The following RAP1GAP2 variants were observed in gnomAD, a reference collection of about 807,000 sequenced individuals.
RAP1GAP2 encodes the protein rap1 GTPase-activating protein 2.
RAP1GAP2 carries 27 observed loss-of-function variants against 95.0 expected under a neutral mutation model. The ratio of observed to expected loss-of-function variants is 0.28; its 90% CI spans 0.21 to 0.39. The LOEUF (loss-of-function observed/expected upper bound fraction) is 0.39, where lower values mean the gene tolerates loss of function less well. Ranked by LOEUF, RAP1GAP2 falls within the 10% of genes least tolerant of loss-of-function variation. The pLI is 1.00. For synonymous variants in RAP1GAP2, 373 were observed against 380.9 expected (o/e 0.98, Z 0.24); for missense variants, 771 against 970.0 (o/e 0.79, Z 2.72).
At chr17:2,951,736 A>G (rs980718138) in intron 3 of RAP1GAP2, among the ~76,000 whole-genome samples, 2 of 149,976 alleles carry the variant, frequency 1.3e-5, no homozygotes, top group African/African-American at 4.9e-5. Context: ...ACGAAAATAA[A>G]AAGACGTGAA....
At chr17:2,905,254 C>A in intron 2 of RAP1GAP2, 30 bp from the exon 3 acceptor site, 1 of 1,571,212 alleles carries the variant, frequency 6.4e-7, no homozygotes, top group Non-Finnish European at 8.8e-7. Context: ...GCAGGCAGGT[C>A]CTCACTCACC....
rs553408143 is a variant in RAP1GAP2, at chr17:3,022,551, A to G, written c.1751+1956A>G. 3.9e-5 allele frequency among the ~76,000 whole-genome samples: 6 copies of G among 152,158 alleles called. No homozygotes were observed. In the East Asian group the frequency reaches 7.7e-4, roughly 20 times the overall value. On this transcript the variant is annotated intron_variant, in intron 19 of 24. Transcript: ENST00000254695. ...GTCTTCTTTTGAGAAATTTCTATTC[A>G]TGTTTCTTGCCCTTAAAAAAATCAC...
Position 3,034,323 on chromosome 17 carries a change from G to A in RAP1GAP2, c.*962G>A, listed in dbSNP as rs116922381. On this transcript the variant is annotated 3_prime_UTR_variant, in exon 25 of 25. Transcript: ENST00000254695. The surrounding 1 kb of genome is among the most constrained non-coding windows in gnomAD (Gnocchi z 5.1). ...AAACCTCGGGCCTGAGGGCCAGGCCGGAGCCCAGGTCTCTGCTGACAATGG... is the reference window on the plus strand; with the variant it reads ...AAACCTCGGGCCTGAGGGCCAGGCCAGAGCCCAGGTCTCTGCTGACAATGG... 4,102 of 203,138 alleles carry A rather than the reference G, an allele frequency of 0.02. 54 individuals are homozygous for A. Among genetic ancestry groups the A allele is most frequent in the Non-Finnish European group, 0.025 (2,420 of 95,012 alleles). 12.6% of individuals were successfully genotyped at this position (203,138 alleles called of 1,614,324 possible). A position where few individuals can be genotyped will look rare whatever the true frequency, so the allele number is the denominator to read the frequency against.
At chr17:2,887,335 G>T (rs1477869752) in intron 2 of RAP1GAP2, among the ~76,000 whole-genome samples, 2 of 151,956 alleles carry the variant, frequency 1.3e-5, no homozygotes, top group Non-Finnish European at 2.9e-5. Flanking sequence ...TACTATTACA[G>T]GCATGAGCCA....
chr17:2,897,153 A>G (rs981439677), intron 2 of RAP1GAP2, among the ~76,000 whole-genome samples: 2 of 152,104 alleles, frequency 1.3e-5, no homozygotes, highest in African/African-American at 4.8e-5. Context: ...CCTGGCCAAC[A>G]TAGTGAAACC....
chr17:2,926,735 TGGCTC>T (rs950294939), intron 3 of RAP1GAP2, among the ~76,000 whole-genome samples: 2 of 151,934 alleles, frequency 1.3e-5, no homozygotes, highest in African/African-American at 2.4e-5. Context: ...CTGGGCGCGA[TGGCTC>T]ACATCTGTAA....
At chr17:2,994,300 G>A (rs774084352) in intron 12 of RAP1GAP2, among the ~76,000 whole-genome samples, 120 of 152,282 alleles carry the variant, frequency 7.9e-4, no homozygotes, top group Non-Finnish European at 1.5e-3. Flanking sequence ...TGGGGATGCT[G>A]AGATTCTAGG....
In RAP1GAP2 at chr17:3,003,512, C is replaced by T. The variant is rs2046235953; in HGVS notation, c.1201-1857C>T. Among the ~76,000 whole-genome samples the T allele has an allele frequency of 6.6e-6, 1 of 152,136 alleles. No individual in the cohort carries two copies. The highest frequency in any genetic ancestry group is 1.5e-5 in the Non-Finnish European group (1 of 68,030). On this transcript the variant is annotated intron_variant, in intron 14 of 24. Coordinates refer to ENST00000254695, the MANE Select transcript of RAP1GAP2 (RefSeq NM_015085.5). The surrounding 1 kb of genome is among the most constrained non-coding windows in gnomAD (Gnocchi z 4.1). ...ACTTGTCTGTTGCTCGGACGATGCT[C>T]TGTGTGCCACCGCGGCTCCCAGGCC...
chr17:3,017,707 G>T (rs1480780840), intron 17 of RAP1GAP2, among the ~76,000 whole-genome samples: 1 of 152,100 alleles, frequency 6.6e-6, no homozygotes, highest in South Asian at 2.1e-4. Context: ...GGTCAGTGTC[G>T]CACAGGCTTG....
In RAP1GAP2 at chr17:2,904,579, G is replaced by A. The variant is rs1396642330; in HGVS notation, c.81-705G>A. On this transcript the variant is annotated intron_variant, in intron 2 of 24. Transcript: ENST00000254695. The surrounding 1 kb of genome is among the most constrained non-coding windows in gnomAD (Gnocchi z 4.7). ...GTGTGTGTGTGTGTGTACGTGCAGAGGGGCTCAAGGGAGAATGAATCCGCG... is the reference window on the plus strand; with the variant it reads ...GTGTGTGTGTGTGTGTACGTGCAGAAGGGCTCAAGGGAGAATGAATCCGCG... Among the ~76,000 whole-genome samples the A allele has an allele frequency of 1.5e-5, 1 of 65,766 alleles. No individual in the cohort carries two copies. 43.1% of individuals were successfully genotyped at this position (65,766 alleles called of 152,430 possible). A position where few individuals can be genotyped will look rare whatever the true frequency, so the allele number is the denominator to read the frequency against.
intron 2 of RAP1GAP2, among the ~76,000 whole-genome samples, chr17:2,841,611 G>A (rs1384855284): frequency 6.6e-6 from 1 of 152,002 alleles, no homozygotes; most frequent in Non-Finnish European, 1.5e-5. Flanking sequence ...CGGCCGATTT[G>A]GGGACATTTT....
Position 3,034,619 on chromosome 17 carries a change from G to C in RAP1GAP2, c.*1258G>C, listed in dbSNP as rs1432880129. 6.5e-6 allele frequency: 1 copy of C among 153,176 alleles called. No homozygotes were observed. The highest frequency in any genetic ancestry group is 1.5e-5 in the Non-Finnish European group (1 of 68,374). The allele number at this position is 153,176 out of a possible 1,614,324, so 9.5% of individuals were successfully genotyped here. A position where few individuals can be genotyped will look rare whatever the true frequency, so the allele number is the denominator to read the frequency against. ...TCTGTAGGCAGCTGTCACATCTGAA[G>C]GGTTTCTGCAACCTGGACCCCATCT... is the stretch of plus-strand genomic sequence containing the variant. On this transcript the variant is annotated 3_prime_UTR_variant, in exon 25 of 25. Transcript: ENST00000254695. This position sits in a 1 kb window ranked among gnomAD's most constrained non-coding sequence, Gnocchi z 5.1.
chr17:2,770,133 A>G (rs2068361807), intron 1 of RAP1GAP2, among the ~76,000 whole-genome samples: 1 of 152,086 alleles, frequency 6.6e-6, no homozygotes, highest in Middle Eastern at 3.4e-3. Context: ...TTGCGTTGAA[A>G]TCTGATCCTT....
intron 2 of RAP1GAP2, among the ~76,000 whole-genome samples, chr17:2,770,885 A>G (rs1800109628): frequency 6.6e-6 from 1 of 152,060 alleles, no homozygotes; most frequent in African/African-American, 2.4e-5. Flanking sequence ...TACTAAAAAT[A>G]CAAAAATTAG....
At chr17:2,881,921 C>A (rs554520847) in intron 2 of RAP1GAP2, among the ~76,000 whole-genome samples, 113 of 151,660 alleles carry the variant, frequency 7.5e-4, no homozygotes, top group Middle Eastern at 3.4e-3. Context: ...CCCGGGTTCA[C>A]GCCATTCTCC....
chr17:2,959,095 G>C lies in RAP1GAP2; in HGVS notation c.201+1301G>C, dbSNP rs1434937675. The stretch of plus-strand genomic sequence containing the variant: ...AAGCTGGGATTTTCGCCTCTAGTCA[G>C]TGGGATCCTGGCACTCTGGGAAGCT... On this transcript the variant is annotated intron_variant, in intron 4 of 24. Coordinates refer to ENST00000254695, the MANE Select transcript of RAP1GAP2 (RefSeq NM_015085.5). 2.6e-5 allele frequency among the ~76,000 whole-genome samples: 4 copies of C among 152,264 alleles called. No homozygotes were observed. The South Asian group carries it at 8.3e-4, about 32-fold the overall frequency.
chr17:2,980,692 G>A (rs2045323146), intron 9 of RAP1GAP2, among the ~76,000 whole-genome samples: 1 of 152,202 alleles, frequency 6.6e-6, no homozygotes, highest in South Asian at 2.1e-4. Context: ...AGTGCTGTAG[G>A]ACTTCCGTGG....
intron 2 of RAP1GAP2, among the ~76,000 whole-genome samples, chr17:2,861,422 A>G (rs1241317833): frequency 2.0e-5 from 3 of 151,178 alleles, no homozygotes; most frequent in Non-Finnish European, 4.4e-5. Context: ...TGGAAGCCCA[A>G]GAGGCCTCCT....
chr17:2,790,089 C>A (rs967887170), intron 1 of RAP1GAP2, among the ~76,000 whole-genome samples: 3 of 151,914 alleles, frequency 2.0e-5, no homozygotes, highest in Non-Finnish European at 2.9e-5. Flanking sequence ...TCCCTGGAGA[C>A]CAGCATCTTT....
Sources: gnomAD v4.1 joint callset for allele counts (sites outside exome capture counted in the v4.1 genomes callset) on GRCh38, gnomAD v4.1.1 for gene constraint, Gnocchi (gnomAD v3.1) non-coding constraint, MANE v1.5 for transcripts, NCBI Gene and HGNC (gene_info 2026-07-23, HGNC 2026-07-21) for gene names.